The following CYP11B1 variants were observed in gnomAD, a reference collection of about 807,000 sequenced individuals.
CYP11B1 encodes the protein cytochrome P450 family 11 subfamily B member 1, also known as cytochrome P450 11B1, mitochondrial.
CYP11B1 carries 34 observed loss-of-function variants against 48.3 expected under a neutral mutation model. The ratio of observed to expected loss-of-function variants is 0.70; its 90% CI spans 0.54 to 0.94. The LOEUF is 0.94. Ranked by LOEUF, CYP11B1 falls within the 40% of genes least tolerant of loss-of-function variation. The probability of loss-of-function intolerance (pLI) is 0.00; values close to 1 mark genes in which losing one functional copy is unlikely to be tolerated. For missense variants in CYP11B1, 688 were observed against 657.4 expected, an observed-to-expected ratio of 1.05 and a Z score of -0.51; for synonymous variants, 291 against 262.5, an observed-to-expected ratio of 1.11 and a Z score of -1.05.
intron 2 of CYP11B1, 112 bp from the exon 3 acceptor site, chr8:142,877,334 G>C: frequency 9.5e-7 from 1 of 1,052,688 alleles, no homozygotes; most frequent in South Asian, 1.4e-5. Flanking sequence ...AGCTGACTGG[G>C]GGCCCTGGTA....
Position 142,877,038 on chromosome 8 carries a change from G to A in CYP11B1, c.580C>T (p.His194Tyr). 6.2e-7 allele frequency: 1 copy of A among 1,613,556 alleles called. No homozygotes were observed. Among genetic ancestry groups the A allele is most frequent in the Non-Finnish European group, 8.5e-7 (1 of 1,179,794 alleles). ...LTLDVQPSIFHYTIEASNLAL... is the reference protein window; with the variant it reads ...LTLDVQPSIFYYTIEASNLAL... ...TGGCCCACACCTTCTATGGTGTAGT[G>A]GAAGATGCTGGGCTGGACGTCCAGG... The change falls in exon 3 of 9, where the codon CAC (histidine) becomes TAC (tyrosine). Residue 194 changes from histidine to tyrosine, a missense_variant. Transcript: ENST00000292427.
In CYP11B1 at chr8:142,872,627, A is replaced by T. The variant is rs1816831454; in HGVS notation, c.*1746T>A. ...ATCACACTTTGGACTACAATTTTAA[A>T]GTTGATGCTAAAATGAGTTGATATT... On this transcript the variant is annotated 3_prime_UTR_variant, in exon 9 of 9. Coordinates refer to ENST00000292427, the MANE Select transcript of CYP11B1 (RefSeq NM_000497.4). The T allele has an allele frequency of 6.6e-6, 1 of 152,240 alleles. No homozygotes were observed. The highest frequency in any genetic ancestry group is 1.5e-5 in the Non-Finnish European group (1 of 68,038). The allele number at this position is 152,240 out of a possible 1,614,324, so 9.4% of individuals were successfully genotyped here. A position where few individuals can be genotyped will look rare whatever the true frequency, so the allele number is the denominator to read the frequency against.
chr8:142,877,185 T>A lies in CYP11B1; in HGVS notation c.433A>T (p.Asn145Tyr). The A allele has an allele frequency of 3.1e-6, 5 of 1,614,162 alleles. No individual in the cohort carries two copies. The highest frequency in any genetic ancestry group is 3.4e-6 in the Non-Finnish European group (4 of 1,180,016). Residue 145 changes from asparagine to tyrosine, a missense_variant, in exon 3 of 9, where the codon AAT (asparagine) becomes TAT (tyrosine). Coordinates refer to ENST00000292427, the MANE Select transcript of CYP11B1 (RefSeq NM_000497.4). ...PEWRFNRLRL[N>Y]PEVLSPNAVQ... ...GCGTTGGGCGACAGCACTTCTGGAT[T>A]CAGCCGCAATCGGTTGAAGCGCCAT...
In CYP11B1 at chr8:142,876,784, A is replaced by T. The variant is rs760156360; in HGVS notation, c.697T>A (p.Ser233Thr). The change falls in exon 4 of 9, where the codon TCC (serine) becomes ACC (threonine). Residue 233 changes from serine (S) to threonine (T), a missense_variant. By Grantham distance (58) the Ser-to-Thr change is moderately conservative (BLOSUM62 1). Transcript: ENST00000292427. The stretch of plus-strand genomic sequence containing the variant: ...GGCATGAACATGAGCTGGACGGTGG[A>T]TTTGAACATGACCTCCAGGGCATGG... ...FLHALEVMFK[S>T]TVQLMFMPRS... The T allele has an allele frequency of 8.1e-6, 13 of 1,614,016 alleles. No homozygotes were observed. The Admixed American group carries it at 2.2e-4, about 27-fold the overall frequency.
chr8:142,876,657 G>A, intron 4 of CYP11B1, 25 bp downstream of exon 4: 1 of 1,592,726 alleles, frequency 6.3e-7, no homozygotes. Context: ...CTTCCCCATA[G>A]CACTGCCCGG....
In CYP11B1 at chr8:142,877,030, G is replaced by A. The variant is rs2130276274; in HGVS notation, c.588C>T (p.Thr196=). The A allele has an allele frequency of 6.2e-7, 1 of 1,613,518 alleles. No homozygotes were observed. Among genetic ancestry groups the A allele is most frequent in the Non-Finnish European group, 8.5e-7 (1 of 1,179,772 alleles). ...TTCCCACGTGGCCCACACCTTCTAT[G>A]GTGTAGTGGAAGATGCTGGGCTGGA... The part of the protein sequence containing the change: ...LDVQPSIFHY[T]IEASNLALFG... Residue 196 remains threonine (T), a synonymous_variant, in exon 3 of 9, where the codon ACC becomes ACT. Transcript: ENST00000292427.
Position 142,874,186 on chromosome 8 carries a change from C to A in CYP11B1, c.*187G>T, listed in dbSNP as rs1586556269. ...CAGCAAGATCTTCCCCAGCTGTGCCCTGGCATTGCTGCTTAGCCTGGCAAA... is the reference window on the plus strand; with the variant it reads ...CAGCAAGATCTTCCCCAGCTGTGCCATGGCATTGCTGCTTAGCCTGGCAAA... On this transcript the variant is annotated 3_prime_UTR_variant, in exon 9 of 9. Coordinates refer to ENST00000292427, the MANE Select transcript of CYP11B1 (RefSeq NM_000497.4). The A allele has an allele frequency of 9.4e-6, 6 of 637,396 alleles. No homozygotes were observed. The East Asian group carries it at 1.4e-4, about 15-fold the overall frequency. The allele number at this position is 637,396 out of a possible 1,614,324, so 39.5% of individuals were successfully genotyped here.
rs1193269463 is a variant in CYP11B1 at position 142,879,819 on chromosome 8, T to A, written c.-6A>T. The A allele has an allele frequency of 6.2e-7, 1 of 1,613,010 alleles. No homozygotes were observed. On this transcript the variant is annotated 5_prime_UTR_variant, in exon 1 of 9. Coordinates refer to ENST00000292427, the MANE Select transcript of CYP11B1 (RefSeq NM_000497.4). The stretch of plus-strand genomic sequence containing the variant: ...GCCTTTGCCCTGAGTGCCATTCCAA[T>A]GCTCCCTCCACCCTGTTCAGCTGCA...
rs538608688 is a variant in CYP11B1, at chr8:142,874,128, G to C, written c.*245C>G. 5.3e-6 allele frequency: 3 copies of C among 568,014 alleles called. No homozygotes were observed. The Admixed American group carries it at 8.7e-5, about 17-fold the overall frequency. The allele number at this position is 568,014 out of a possible 1,614,324, so 35.2% of individuals were successfully genotyped here. On this transcript the variant is annotated 3_prime_UTR_variant, in exon 9 of 9. Coordinates refer to ENST00000292427, the MANE Select transcript of CYP11B1 (RefSeq NM_000497.4). The stretch of plus-strand genomic sequence containing the variant: ...AACTGCCCAGAGGACAGTGCTTGCT[G>C]GAGAAAGGGCCAGGTGGGGCTGGGG...
intron 4 of CYP11B1, 141 bp downstream of exon 4, chr8:142,876,541 C>T (rs1171288277): frequency 1.6e-5 from 24 of 1,547,892 alleles, no homozygotes; most frequent in Non-Finnish European, 1.8e-5. Context: ...GCCCCAGCCT[C>T]GCACCAATCT....
intron 5 of CYP11B1, 179 bp downstream of exon 5, chr8:142,876,061 AC>A: frequency 3.6e-6 from 4 of 1,122,952 alleles, no homozygotes; most frequent in Non-Finnish European, 2.6e-6. Flanking sequence ...ACAGAAAGGA[AC>A]CCCCCATTCC....
At chr8:142,877,343 T>C in intron 2 of CYP11B1, 121 bp from the exon 3 acceptor site, 1 of 984,108 alleles carries the variant, frequency 1.0e-6, no homozygotes, top group South Asian at 1.4e-5. Flanking sequence ...GGGGCCCTGG[T>C]AGAAGCTGCC....
chr8:142,874,684 A>G (rs776002600), intron 8 of CYP11B1, among the ~76,000 whole-genome samples, 198 bp from the exon 9 acceptor site: 57 of 151,966 alleles, frequency 3.8e-4, no homozygotes, highest in Non-Finnish European at 1.2e-4. Context: ...CCCAAGCCCC[A>G]CTATCCTGTA....
At chr8:142,876,477 C>T (rs1243455160) in intron 4 of CYP11B1, 82 bp from the exon 5 acceptor site, 49 of 1,545,886 alleles carry the variant, frequency 3.2e-5, no homozygotes, top group African/African-American at 2.9e-4. Flanking sequence ...CAGACTGCCC[C>T]GACACCCAAG....
At chr8:142,878,795 C>T (rs1397166274) in intron 2 of CYP11B1, among the ~76,000 whole-genome samples, 1 of 152,196 alleles carries the variant, frequency 6.6e-6, no homozygotes, top group Non-Finnish European at 1.5e-5. Context: ...CAGAAGGGCT[C>T]ATTGCTCTGC....
rs1288062372 is a variant in CYP11B1 at position 142,876,300 on chromosome 8, G to A, written c.895C>T (p.Leu299=). Residue 299 remains leucine, a synonymous_variant, in exon 5 of 9, where the codon CTG becomes TTG. Coordinates refer to ENST00000292427, the MANE Select transcript of CYP11B1 (RefSeq NM_000497.4). Reference sequence around the variant, plus strand: ...TTGGCCTTGATGGCATCTGGCGACAGTTCCGCATTCAACAGGAGCTCCGCC... The same window carrying A: ...TTGGCCTTGATGGCATCTGGCGACAATTCCGCATTCAACAGGAGCTCCGCC... The part of the protein sequence containing the change: ...IVAELLLNAE[L]SPDAIKANSM... 4 of 1,614,244 alleles carry A rather than the reference G, an allele frequency of 2.5e-6. No homozygotes were observed. In the South Asian group the frequency reaches 4.4e-5, roughly 18 times the overall value.
chr8:142,879,092 C>G lies in CYP11B1; in HGVS notation c.335G>C (p.Ser112Thr). The G allele has an allele frequency of 1.2e-6, 2 of 1,614,058 alleles. No homozygotes were observed. Among genetic ancestry groups the G allele is most frequent in the Non-Finnish European group, 1.7e-6 (2 of 1,179,888 alleles). The change falls in exon 2 of 9, where the codon AGC becomes ACC. Residue 112 changes from serine (S) to threonine (T), a missense_variant. Transcript: ENST00000292427. ...TCTGTAGGCCACCCAGGGCTCCAGG[C>G]TCATCCTGTGGGGATGCAGGCTGTC... Reference protein sequence around the residue: ...QVDSLHPHRMSLEPWVAYRQH... With the variant: ...QVDSLHPHRMTLEPWVAYRQH...
rs558749828 is a variant in CYP11B1 at position 142,873,983 on chromosome 8, T to C, written c.*390A>G. ...ACTCTGACAGTCTGCGCAGGGGCCC[T>C]GGCCAGGGGAAGAGGAACAGGGACA... On this transcript the variant is annotated 3_prime_UTR_variant, in exon 9 of 9. Transcript: ENST00000292427. 1.5e-5 allele frequency: 5 copies of C among 333,102 alleles called. No individual in the cohort carries two copies. The highest frequency in any genetic ancestry group is 7.7e-5 in the Admixed American group (2 of 26,090). The allele number at this position is 333,102 out of a possible 1,614,324, so 20.6% of individuals were successfully genotyped here.
intron 2 of CYP11B1, chr8:142,877,774 G>T (rs749787680): frequency 1.3e-6 from 2 of 1,597,386 alleles, no homozygotes; most frequent in African/African-American, 2.7e-5. Flanking sequence ...CAGAGTGCGT[G>T]GGGGCTCCAT....
Sources: gnomAD v4.1 joint callset for allele counts (sites outside exome capture counted in the v4.1 genomes callset) on GRCh38, gnomAD v4.1.1 for gene constraint, MANE v1.5 for transcripts, NCBI Gene and HGNC (gene_info 2026-07-23, HGNC 2026-07-21) for gene names.